The following FGD4 variants were observed in gnomAD, a reference collection of about 807,000 sequenced individuals.
FGD4 encodes FYVE, RhoGEF and PH domain-containing protein 4.
FGD4 carries 42 observed loss-of-function variants against 102.0 expected under a neutral mutation model. The ratio of observed to expected loss-of-function variants is 0.41; its 90% CI spans 0.32 to 0.53. FGD4 has a LOEUF of 0.53. Among genes scored for constraint, FGD4 ranks in the 20% least tolerant of loss-of-function variants. The pLI, the probability that FGD4 is intolerant of heterozygous loss-of-function variation, is 0.21. For missense variants in FGD4, 902 were observed against 1,078.2 expected (o/e 0.84, Z 2.29); for synonymous variants, 380 against 375.7 (o/e 1.01, Z -0.13).
chr12:32,472,505 G>C lies in FGD4; in HGVS notation c.166+72546G>C, dbSNP rs573000161. Among the ~76,000 whole-genome samples, 279 of 152,344 alleles carry C rather than the reference G, an allele frequency of 1.8e-3. 2 individuals carry two copies. Among genetic ancestry groups the C allele is most frequent in the Middle Eastern group, 3.4e-3 (1 of 294 alleles). ...CCACCGGTGCTGCGCTCAATTTCTC[G>C]CTGGGCCTTGGCTGCCTTTCCACGG... On this transcript the variant is annotated intron_variant, in intron 1 of 16. Transcript: ENST00000534526.
At chr12:32,435,827 A>T (rs1040542804) in intron 1 of FGD4, among the ~76,000 whole-genome samples, 5 of 152,180 alleles carry the variant, frequency 3.3e-5, no homozygotes, top group Non-Finnish European at 7.3e-5. Context: ...TTTAAAATTC[A>T]TTCAAATAAA....
Position 32,453,234 on chromosome 12 carries a change from TATA to T in FGD4, c.166+53276_166+53278del, listed in dbSNP as rs1565749245. On this transcript the variant is annotated intron_variant, in intron 1 of 16. Transcript: ENST00000534526. ...TATATATATATAATATAGATATATA[TATA>T]TTTTTTTTTTTTTAAATGTAGAGCC... Among the ~76,000 whole-genome samples the T allele has an allele frequency of 7.3e-3, 355 of 48,676 alleles. 5 individuals are homozygous for T. The highest frequency in any genetic ancestry group is 0.012 in the South Asian group (16 of 1,292). The allele number at this position is 48,676 out of a possible 152,430, so 31.9% of individuals were successfully genotyped here. A position where few individuals can be genotyped will look rare whatever the true frequency, so the allele number is the denominator to read the frequency against.
Position 32,602,294 on chromosome 12 carries a change from A to G in FGD4, c.1381A>G (p.Lys461Glu). 6.2e-7 allele frequency: 1 copy of G among 1,614,152 alleles called. No individual in the cohort carries two copies. Among genetic ancestry groups the G allele is most frequent in the Non-Finnish European group, 8.5e-7 (1 of 1,180,020 alleles). ...KNMTERIPQF[K>E]SVVEEIQKQK... ...CATGACAGAACGTATTCCCCAGTTC[A>G]AATCAGTGGTTGAAGAAATTCAGGT... The change falls in exon 7 of 17, where the codon AAA (lysine) becomes GAA (glutamate). Residue 461 changes from lysine to glutamate, a missense_variant. Around this residue, in one of 2 missense-constraint regions of FGD4, gnomAD observed 459 missense variants for 619.0 expected, o/e 0.74. Coordinates refer to ENST00000534526, the MANE Select transcript of FGD4 (RefSeq NM_001370298.3).
At chr12:32,474,689 T>C (rs1243053878) in intron 1 of FGD4, among the ~76,000 whole-genome samples, 3 of 152,252 alleles carry the variant, frequency 2.0e-5, no homozygotes, top group African/African-American at 7.2e-5. Flanking sequence ...GTGGGTTGAT[T>C]GCTTGAATCC....
intron 1 of FGD4, among the ~76,000 whole-genome samples, chr12:32,526,392 C>T (rs1223540425): frequency 6.6e-6 from 1 of 152,174 alleles, no homozygotes; most frequent in Non-Finnish European, 1.5e-5. Context: ...TGTGAATGCA[C>T]CAATCGACAC....
At chr12:32,611,103 G>A (rs1427137642) in intron 9 of FGD4, 34 bp from the exon 10 acceptor site, 2 of 1,613,588 alleles carry the variant, frequency 1.2e-6, no homozygotes, top group African/African-American at 1.3e-5. Flanking sequence ...GTTGAAACCT[G>A]CCTGTATGTG....
chr12:32,530,495 C>G (rs1263962054), intron 1 of FGD4, among the ~76,000 whole-genome samples: 1 of 152,010 alleles, frequency 6.6e-6, no homozygotes, highest in African/African-American at 2.4e-5. Context: ...AGAAATATCA[C>G]GTGAATGTTT....
intron 1 of FGD4, among the ~76,000 whole-genome samples, chr12:32,563,054 ACCTC>A (rs1233599144): frequency 4.6e-5 from 6 of 131,312 alleles, no homozygotes; most frequent in Admixed American, 4.5e-4. Flanking sequence ...TGACACCCCC[ACCTC>A]CCTCCCGGAC....
At chr12:32,465,367 G>T (rs984565721) in intron 1 of FGD4, among the ~76,000 whole-genome samples, 6 of 151,758 alleles carry the variant, frequency 4.0e-5, no homozygotes, top group Non-Finnish European at 5.9e-5. Context: ...TCAGTCAGCC[G>T]CCATTAACAT....
At chr12:32,553,129 C>G (rs1335793409) in intron 1 of FGD4, among the ~76,000 whole-genome samples, 1 of 151,990 alleles carries the variant, frequency 6.6e-6, no homozygotes, top group South Asian at 2.1e-4. Context: ...TGCAGGGACA[C>G]ATGTCCTCTA....
chr12:32,548,285 A>C (rs914876375), intron 1 of FGD4, among the ~76,000 whole-genome samples: 3 of 152,178 alleles, frequency 2.0e-5, no homozygotes, highest in Non-Finnish European at 2.9e-5. Flanking sequence ...TTTCTTATCA[A>C]ATGAAGTGTT....
intron 1 of FGD4, among the ~76,000 whole-genome samples, chr12:32,431,773 A>T (rs1379574621): frequency 4.2e-5 from 6 of 142,208 alleles, no homozygotes; most frequent in Non-Finnish European, 6.2e-5. Context: ...ATTCTGTCTT[A>T]AAAAAAAAAA....
rs1565942049 is a variant in FGD4 at position 32,640,317 on chromosome 12, G to C, written c.2496G>C (p.Val832=). ...CCACCATTCCACTTCTGGGCTATGT[G>C]GTGGATGAAATGCCAAGGAGCGCAG... ...AQATIPLLGY[V]VDEMPRSADL... The change falls in exon 17 of 17, where the codon GTG becomes GTC. Residue 832 remains valine (V), a synonymous_variant. Transcript: ENST00000534526. 6.2e-7 allele frequency: 1 copy of C among 1,614,176 alleles called. No homozygotes were observed. The highest frequency in any genetic ancestry group is 2.2e-5 in the East Asian group (1 of 44,874).
intron 1 of FGD4, among the ~76,000 whole-genome samples, chr12:32,525,978 G>C (rs1190339290): frequency 6.6e-6 from 1 of 152,226 alleles, no homozygotes; most frequent in Non-Finnish European, 1.5e-5. Context: ...GCTCCTGTGC[G>C]GCCCGAGCCT....
intron 4 of FGD4, among the ~76,000 whole-genome samples, chr12:32,594,333 A>G (rs2389104): frequency 0.38 from 57,587 of 151,970 alleles, 11,711 homozygotes; most frequent in African/African-American, 0.52. Context: ...GAGGGATCTA[A>G]GTTGCATGCT....
At position 32,469,125 on chromosome 12, in the gene FGD4, C is replaced by G. The variant is rs141729814; in HGVS notation, c.166+69166C>G. 2.4e-4 allele frequency among the ~76,000 whole-genome samples: 36 copies of G among 152,054 alleles called. No individual in the cohort carries two copies. The East Asian group carries it at 7.0e-3, about 30-fold the overall frequency. On this transcript the variant is annotated intron_variant, in intron 1 of 16. Coordinates refer to ENST00000534526, the MANE Select transcript of FGD4 (RefSeq NM_001370298.3). ...ATAGGCATGAGCCATTGCGCCCGGC[C>G]TATTCTGGTGGTTTCTATCGGATTT... is the stretch of plus-strand genomic sequence containing the variant.
chr12:32,438,652 C>T (rs998224231), intron 1 of FGD4, among the ~76,000 whole-genome samples: 1 of 151,576 alleles, frequency 6.6e-6, no homozygotes, highest in Admixed American at 6.6e-5. Flanking sequence ...CTCTGTCACC[C>T]AGGCTGGAGT....
At chr12:32,525,475 G>A (rs2136776207) in intron 1 of FGD4, among the ~76,000 whole-genome samples, 1 of 152,370 alleles carries the variant, frequency 6.6e-6, no homozygotes, top group African/African-American at 2.4e-5. Context: ...ATGTGTAGCT[G>A]TAGTTCATTT....
At chr12:32,519,844 G>C (rs1444456054) in intron 1 of FGD4, among the ~76,000 whole-genome samples, 1 of 152,116 alleles carries the variant, frequency 6.6e-6, no homozygotes, top group Non-Finnish European at 1.5e-5. Context: ...CTACTTGGGA[G>C]GCTGAAGCAG....
Sources: gnomAD v4.1 joint callset for allele counts (sites outside exome capture counted in the v4.1 genomes callset) on GRCh38, gnomAD v4.1.1 for gene constraint, gnomAD v4.1.1 regional missense constraint, MANE v1.5 for transcripts, NCBI Gene and HGNC (gene_info 2026-07-23, HGNC 2026-07-21) for gene names.